INSRR: variants seen among roughly 807,000 people sequenced by gnomAD.
INSRR encodes insulin receptor-related protein.
Under a neutral mutation model 130.0 loss-of-function variants are expected in INSRR, and 114 were observed. That is an observed-to-expected ratio of 0.88 (90% CI 0.75 to 1.02). The LOEUF (loss-of-function observed/expected upper bound fraction) is 1.02, where lower values mean the gene tolerates loss of function less well. Among genes scored for constraint, INSRR ranks in the 50% least tolerant of loss-of-function variants. INSRR has a pLI of 0.00. For synonymous variants in INSRR, 674 were observed against 705.2 expected (o/e 0.96, Z 0.70); for missense variants, 1,657 against 1,735.2 (o/e 0.95, Z 0.80).
intron 7 of INSRR, 119 bp downstream of exon 7, chr1:156,848,802 G>T: frequency 1.6e-6 from 2 of 1,245,790 alleles, no homozygotes; most frequent in Non-Finnish European, 2.2e-6. Context: ...ACAACTTGCG[G>T]GTCCTGGCTT....
chr1:156,841,157 C>G, intron 21 of INSRR, 53 bp from the exon 22 acceptor site: 11 of 1,369,256 alleles, frequency 8.0e-6, no homozygotes, highest in Non-Finnish European at 1.1e-5. Flanking sequence ...CTGCCACGCT[C>G]TCAGCCTCCT....
Position 156,849,354 on chromosome 1 carries a change from G to T in INSRR, c.1336C>A (p.Pro446Thr). 1.2e-5 allele frequency: 20 copies of T among 1,613,982 alleles called. No individual in the cohort carries two copies. The highest frequency in any genetic ancestry group is 1.7e-5 in the Non-Finnish European group (20 of 1,180,000). The change falls in exon 6 of 22, where the codon CCG becomes ACG. Residue 446 changes from proline (P) to threonine (T), a missense_variant. Transcript: ENST00000368195. Reference protein sequence around the residue: ...PVGKIYFAFNPRLCLEHIYRL... With the variant: ...PVGKIYFAFNTRLCLEHIYRL... Reference sequence around the variant, plus strand: ...TAGATGTGTTCCAAGCAGAGGCGCGGGTTGAAGGCGAAGTAGATCTTGCCC... The same window carrying T: ...TAGATGTGTTCCAAGCAGAGGCGCGTGTTGAAGGCGAAGTAGATCTTGCCC...
chr1:156,843,162 A>T lies in INSRR; in HGVS notation c.2968T>A (p.Phe990Ile), dbSNP rs757756233. The change falls in exon 17 of 22, where the codon TTT becomes ATT. Residue 990 changes from phenylalanine (F) to isoleucine (I), a missense_variant. Coordinates refer to ENST00000368195, the MANE Select transcript of INSRR (RefSeq NM_014215.3). ...SIIRELGQGS[F>I]GMVYEGLARG... ...GCCAGCCCCTCATATACCATCCCAA[A>T]AGAGCCCTGGCCCAGTTCCCGGATT... 3 of 1,614,038 alleles carry T rather than the reference A, an allele frequency of 1.9e-6. No individual in the cohort carries two copies. The East Asian group carries it at 6.7e-5, about 36-fold the overall frequency.
rs770494215 is a variant in INSRR, at chr1:156,849,446, TAG to T, written c.1242_1243del (p.Tyr415ArgfsTer55). ...TTGTAGGTTCTGGTTGTCCAGCACG[TAG>T]AGAGTGTAGTTCCTGGGGGAGGCCA... On this transcript the variant is annotated frameshift_variant, in exon 6 of 22. Transcript: ENST00000368195. LOFTEE classifies it high-confidence loss of function. The T allele has an allele frequency of 4.4e-6, 7 of 1,606,214 alleles. No individual in the cohort carries two copies. In the South Asian group the frequency reaches 4.4e-5, roughly 10 times the overall value.
chr1:156,846,020 T>G lies in INSRR; in HGVS notation c.1910A>C (p.Tyr637Ser). 1 of 1,613,928 alleles carries G rather than the reference T, an allele frequency of 6.2e-7. No homozygotes were observed. Among genetic ancestry groups the G allele is most frequent in the Non-Finnish European group, 8.5e-7 (1 of 1,179,966 alleles). ...CAGCCGCTGCCACAGCACCAGGTAG[T>G]AGGTGAGGTTCCCATTGCGCTGGGT... ...PPTQRNGNLT[Y>S]YLVLWQRLAE... Residue 637 changes from tyrosine (Y) to serine (S), a missense_variant, in exon 9 of 22, where the codon TAC becomes TCC. Tyr to Ser is a moderately radical substitution (Grantham distance 144). Coordinates refer to ENST00000368195, the MANE Select transcript of INSRR (RefSeq NM_014215.3).
chr1:156,849,247 G>T lies in INSRR; in HGVS notation c.1443C>A (p.Ala481=). The change falls in exon 6 of 22, where the codon GCC becomes GCA. Residue 481 remains alanine (A), a splice_region_variant and synonymous_variant. Transcript: ENST00000368195. ...CCGGCACTGGGGTTGGGGTCTCACA[G>T]GCGGCGCGGTCTCCGTTGGTGCGGG... ...INPRTNGDRA[A]CQTRTLRFVS... The T allele has an allele frequency of 6.2e-7, 1 of 1,613,676 alleles. No homozygotes were observed.
chr1:156,845,086 G>C lies in INSRR; in HGVS notation c.2427C>G (p.Thr809=), dbSNP rs1159581666. ...GTGTGGATCACCTACTGTGGGGCAT[G>C]GTGCGCGCAAAGACGAAGGTGGCGG... ...CSAATFVFAR[T]MPHREADGIP... The change falls in exon 12 of 22, where the codon ACC becomes ACG. Residue 809 remains threonine, a synonymous_variant. Coordinates refer to ENST00000368195, the MANE Select transcript of INSRR (RefSeq NM_014215.3). 2.5e-6 allele frequency: 4 copies of C among 1,607,818 alleles called. No homozygotes were observed. Among genetic ancestry groups the C allele is most frequent in the African/African-American group, 1.3e-5 (1 of 74,982 alleles).
At chr1:156,852,895 C>T (rs1168193969) in intron 2 of INSRR, among the ~76,000 whole-genome samples, 2 of 152,148 alleles carry the variant, frequency 1.3e-5, no homozygotes, top group African/African-American at 4.8e-5. Flanking sequence ...GTTACTCTCC[C>T]GCCCGCCCTG....
chr1:156,856,601 A>G (rs538731294), intron 1 of INSRR, among the ~76,000 whole-genome samples: 1 of 152,196 alleles, frequency 6.6e-6, no homozygotes, highest in Non-Finnish European at 1.5e-5. Flanking sequence ...GCTCAGCTAC[A>G]CTTAGTCCAG....
chr1:156,845,293 G>A lies in INSRR; in HGVS notation c.2220C>T (p.Asp740=), dbSNP rs146864258. The part of the protein sequence containing the change: ...VTSINKSPQR[D]SGRHRRAAGP... ...CAGCTGCCCGGCGGTGCCGCCCTGA[G>A]TCCCTGGGGAGAGCGAGTCAGAGCC... The change falls in exon 12 of 22, where the codon GAC becomes GAT. Residue 740 remains aspartate (D), a synonymous_variant. Coordinates refer to ENST00000368195, the MANE Select transcript of INSRR (RefSeq NM_014215.3). 1.2e-5 allele frequency: 20 copies of A among 1,612,758 alleles called. No homozygotes were observed. Among genetic ancestry groups the A allele is most frequent in the Non-Finnish European group, 1.5e-5 (18 of 1,179,434 alleles).
chr1:156,851,512 C>T (rs748837334), intron 4 of INSRR, 78 bp from the exon 5 acceptor site: 33 of 1,605,810 alleles, frequency 2.1e-5, no homozygotes, highest in South Asian at 1.7e-4. Context: ...GAATGGGGGC[C>T]CCGGGAAGGT....
Position 156,849,000 on chromosome 1 carries a change from G to C in INSRR, c.1492C>G (p.Arg498Gly). ...TAGCGCTCCCAGCGTAGCAGGATGC[G>C]GTCTGCCTCCGTCACGTTGGACACG... ...RFVSNVTEAD[R>G]ILLRWERYEP... Residue 498 changes from arginine (R) to glycine (G), a missense_variant, in exon 7 of 22, where the codon CGC (arginine) becomes GGC (glycine). By Grantham distance (125) the Arg-to-Gly change is moderately radical (BLOSUM62 -2). Transcript: ENST00000368195. 1 of 1,613,048 alleles carries C rather than the reference G, an allele frequency of 6.2e-7. No individual in the cohort carries two copies. Among genetic ancestry groups the C allele is most frequent in the Non-Finnish European group, 8.5e-7 (1 of 1,179,776 alleles).
intron 5 of INSRR, 45 bp downstream of exon 5, chr1:156,851,245 G>A: frequency 6.2e-7 from 1 of 1,609,990 alleles, no homozygotes; most frequent in South Asian, 1.1e-5. Flanking sequence ...GAGTGTTGGA[G>A]GAAGGAGTGT....
chr1:156,849,623 C>T (rs1251510944), intron 5 of INSRR, among the ~76,000 whole-genome samples, 163 bp from the exon 6 acceptor site: 1 of 152,202 alleles, frequency 6.6e-6, no homozygotes, highest in Non-Finnish European at 1.5e-5. Flanking sequence ...TGCATACCCA[C>T]TCTGTGCCAC....
At chr1:156,844,083 C>A in intron 15 of INSRR, 92 bp downstream of exon 15, 1 of 906,762 alleles carries the variant, frequency 1.1e-6, no homozygotes, top group South Asian at 1.5e-5. Flanking sequence ...GAAGACCTGT[C>A]TTTCTACTGT....
rs370122814 is a variant in INSRR, at chr1:156,841,087, C to T, written c.3680G>A (p.Arg1227His). 6.4e-6 allele frequency: 10 copies of T among 1,562,924 alleles called. No homozygotes were observed. Among genetic ancestry groups the T allele is most frequent in the African/African-American group, 2.7e-5 (2 of 73,502 alleles). The change falls in exon 22 of 22, where the codon CGC becomes CAC. Residue 1227 changes from arginine (R) to histidine (H), a missense_variant. Arg to His is a conservative substitution (Grantham distance 29). Coordinates refer to ENST00000368195, the MANE Select transcript of INSRR (RefSeq NM_014215.3). ...CAGGCGTGGGTTCGGCTGCCAGCAG[C>T]GGCTCATCAGCTCCTGCCTGGTGGG... ...CPLQLQELMS[R>H]CWQPNPRLRP...
rs187753955 is a variant in INSRR, at chr1:156,851,443, G to A, written c.1085-9C>T. ...CTGTGGCTCCAGGTTGTCTAGGGAT[G>A]GGAAGACAGGGCTGGAGTAGGAGCA... On this transcript the variant is annotated splice_polypyrimidine_tract_variant and intron_variant, in intron 4 of 21. Coordinates refer to ENST00000368195, the MANE Select transcript of INSRR (RefSeq NM_014215.3). The A allele has an allele frequency of 3.3e-5, 53 of 1,614,118 alleles. No individual in the cohort carries two copies. In the East Asian group the frequency reaches 1.2e-3, roughly 36 times the overall value.
rs377395864 is a variant in INSRR, at chr1:156,844,679, C to A, written c.2574+28G>T. ...AAGGCGATGTAGGCACAAAACGGGG[C>A]TGGGACGGGGGTCCCACGGGCACCT... On this transcript the variant is annotated intron_variant, in intron 13 of 21. Coordinates refer to ENST00000368195, the MANE Select transcript of INSRR (RefSeq NM_014215.3). 15 of 1,613,992 alleles carry A rather than the reference C, an allele frequency of 9.3e-6. 1 individual carries two copies. In the African/African-American group the frequency reaches 2.0e-4, roughly 22 times the overall value.
rs1204960503 is a variant in INSRR at position 156,840,810 on chromosome 1, G to A, written c.*63C>T. 4 of 1,291,560 alleles carry A rather than the reference G, an allele frequency of 3.1e-6. No individual in the cohort carries two copies. The highest frequency in any genetic ancestry group is 2.2e-6 in the Non-Finnish European group (2 of 904,946). The allele number at this position is 1,291,560 out of a possible 1,614,324, so 80.0% of individuals were successfully genotyped here. On this transcript the variant is annotated 3_prime_UTR_variant, in exon 22 of 22. Transcript: ENST00000368195. ...TGGGGGTGAACATTCAGGCGTCTCAGCCACAGAGGTCGGGTCCCTTCCTGT... is the reference window on the plus strand; with the variant it reads ...TGGGGGTGAACATTCAGGCGTCTCAACCACAGAGGTCGGGTCCCTTCCTGT...
Sources: gnomAD v4.1 joint callset for allele counts (sites outside exome capture counted in the v4.1 genomes callset) on GRCh38, gnomAD v4.1.1 for gene constraint, MANE v1.5 for transcripts, NCBI Gene and HGNC (gene_info 2026-07-23, HGNC 2026-07-21) for gene names.